APBA1: variants seen among roughly 807,000 people sequenced by gnomAD.
APBA1 encodes the protein amyloid beta precursor protein binding family A member 1.
In APBA1, 55 loss-of-function variants were observed where a neutral mutation model predicts 86.6. That is an observed-to-expected ratio of 0.64 (90% CI 0.51 to 0.80). APBA1 has a LOEUF of 0.80. Among genes scored for constraint, APBA1 ranks in the 30% least tolerant of loss-of-function variants. The pLI, the probability that APBA1 is intolerant of heterozygous loss-of-function variation, is 0.00. For synonymous variants in APBA1, 511 were observed against 493.9 expected (o/e 1.03, Z -0.46); for missense variants, 1,090 against 1,183.0 (o/e 0.92, Z 1.15).
chr9:69,498,745 G>C (rs1037177421), intron 2 of APBA1, among the ~76,000 whole-genome samples: 1 of 152,112 alleles, frequency 6.6e-6, no homozygotes, highest in African/African-American at 2.4e-5. Context: ...TTTTGACCTA[G>C]AACAGTAGTC....
chr9:69,658,268 C>CTT (rs1554709933), intron 1 of APBA1, among the ~76,000 whole-genome samples: 4,717 of 87,982 alleles, frequency 0.054, 224 homozygotes, highest in Admixed American at 0.11. Context: ...TTCTTTCTTT[C>CTT]TTTCTTTCTT....
At chr9:69,614,428 G>A (rs757080171) in intron 1 of APBA1, among the ~76,000 whole-genome samples, 27 of 151,888 alleles carry the variant, frequency 1.8e-4, no homozygotes, top group Non-Finnish European at 3.1e-4. Context: ...TACATTTATG[G>A]GTATGTTATA....
At chr9:69,469,397 TA>T (rs1249421702) in intron 4 of APBA1, among the ~76,000 whole-genome samples, 2 of 152,238 alleles carry the variant, frequency 1.3e-5, no homozygotes, top group Non-Finnish European at 2.9e-5. Flanking sequence ...AGATGTAAAA[TA>T]ATCTACTCAT....
intron 3 of APBA1, among the ~76,000 whole-genome samples, chr9:69,473,397 C>G (rs1835394613): frequency 6.6e-6 from 1 of 152,170 alleles, no homozygotes; most frequent in African/African-American, 2.4e-5. Flanking sequence ...CAACCATTTC[C>G]CTACCCTTGT....
At chr9:69,672,793 C>T (rs921184817), upstream of APBA1, 7 of 152,558 alleles carry the variant, frequency 4.6e-5, no homozygotes, top group Non-Finnish European at 8.8e-5. Flanking sequence ...GGGGCCTCCA[C>T]CCTCCTCGGT....
intron 1 of APBA1, among the ~76,000 whole-genome samples, chr9:69,664,218 G>A (rs1287026411): frequency 6.6e-6 from 1 of 152,192 alleles, no homozygotes; most frequent in Non-Finnish European, 1.5e-5. Flanking sequence ...TGAATACAGA[G>A]TAAAGGAGGC....
At chr9:69,545,427 T>C (rs1032383648) in intron 1 of APBA1, among the ~76,000 whole-genome samples, 8 of 152,202 alleles carry the variant, frequency 5.3e-5, no homozygotes, top group Non-Finnish European at 1.0e-4. Context: ...CTTGTCCCCA[T>C]TTTCTTTCCT....
intron 1 of APBA1, among the ~76,000 whole-genome samples, chr9:69,606,274 G>C (rs1822469522): frequency 6.6e-6 from 1 of 152,128 alleles, no homozygotes; most frequent in African/African-American, 2.4e-5. Flanking sequence ...AAGGTAGAGG[G>C]GCAAGAAGGG....
At chr9:69,466,718 G>C (rs2133827275) in intron 5 of APBA1, among the ~76,000 whole-genome samples, 1 of 152,292 alleles carries the variant, frequency 6.6e-6, no homozygotes, top group East Asian at 1.9e-4. Context: ...TTTTTTCTTT[G>C]ATTGCGAGAT....
At chr9:69,603,357 GA>G (rs1372650519) in intron 1 of APBA1, among the ~76,000 whole-genome samples, 2 of 152,228 alleles carry the variant, frequency 1.3e-5, no homozygotes, top group Non-Finnish European at 1.5e-5. Flanking sequence ...TTGGAAGAAA[GA>G]ATGTGTGTAA....
At chr9:69,642,547 T>A (rs1823307671) in intron 1 of APBA1, among the ~76,000 whole-genome samples, 2 of 152,134 alleles carry the variant, frequency 1.3e-5, no homozygotes, top group Non-Finnish European at 2.9e-5. Flanking sequence ...AGTTTGGCAA[T>A]CTAGTGGTTA....
At position 69,515,021 on chromosome 9, in the gene APBA1, T is replaced by C. The variant is rs1393953834; in HGVS notation, c.1200+990A>G. Among the ~76,000 whole-genome samples the C allele has an allele frequency of 5.9e-5, 9 of 152,340 alleles. No individual in the cohort carries two copies. The South Asian group carries it at 1.5e-3, about 25-fold the overall frequency. ...ATCCCAGATCTTCAAGGGATTGATA[T>C]AAGGCAGTTCTCAAATTGTCGTCCT... is the stretch of plus-strand genomic sequence containing the variant. On this transcript the variant is annotated intron_variant, in intron 2 of 12. Coordinates refer to ENST00000265381, the MANE Select transcript of APBA1 (RefSeq NM_001163.4).
chr9:69,575,604 G>A (rs1407846286), intron 1 of APBA1, among the ~76,000 whole-genome samples: 1 of 152,038 alleles, frequency 6.6e-6, no homozygotes, highest in Non-Finnish European at 1.5e-5. Context: ...CAAGAAATAG[G>A]GAAAGAATTC....
chr9:69,481,821 T>C (rs1835514966), intron 2 of APBA1, among the ~76,000 whole-genome samples: 1 of 151,864 alleles, frequency 6.6e-6, no homozygotes, highest in Non-Finnish European at 1.5e-5. Context: ...ACGCCGCATG[T>C]CTACAACTAT....
intron 9 of APBA1, among the ~76,000 whole-genome samples, chr9:69,451,040 A>C (rs1834999300): frequency 6.6e-6 from 1 of 152,228 alleles, no homozygotes; most frequent in African/African-American, 2.4e-5. Context: ...GAAGTCACCC[A>C]GTCCATGGTA....
chr9:69,602,845 A>T (rs1822381334), intron 1 of APBA1, among the ~76,000 whole-genome samples: 1 of 152,220 alleles, frequency 6.6e-6, no homozygotes, highest in Non-Finnish European at 1.5e-5. Context: ...TTACATATTT[A>T]GAAATATAGA....
intron 7 of APBA1, 124 bp from the exon 8 acceptor site, chr9:69,456,556 A>ATTG: frequency 9.9e-7 from 1 of 1,012,766 alleles, no homozygotes; most frequent in Non-Finnish European, 1.4e-6. Context: ...GCTCACTGCA[A>ATTG]AGCCCATGCT....
intron 10 of APBA1, among the ~76,000 whole-genome samples, chr9:69,445,650 G>A (rs895946574): frequency 4.6e-5 from 7 of 152,196 alleles, no homozygotes; most frequent in Admixed American, 3.9e-4. Context: ...GGCACAGAAA[G>A]AGGCAGCCTG....
At chr9:69,588,629 T>G (rs945363464) in intron 1 of APBA1, among the ~76,000 whole-genome samples, 3 of 152,226 alleles carry the variant, frequency 2.0e-5, no homozygotes, top group Non-Finnish European at 4.4e-5. Flanking sequence ...AAGATCCATG[T>G]GGAGATGTCA....
Sources: allele counts gnomAD v4.1 joint callset (sites outside exome capture counted in the v4.1 genomes callset), GRCh38; gene constraint gnomAD v4.1.1; transcripts MANE v1.5; gene names NCBI Gene and HGNC (gene_info 2026-07-23, HGNC 2026-07-21).